Variants in ADCY10 observed in about 807,000 individuals in gnomAD.
ADCY10 encodes adenylate cyclase 10.
Under a neutral mutation model 183.3 loss-of-function variants are expected in ADCY10, and 156 were observed. That is an observed-to-expected ratio of 0.85 (90% CI 0.75 to 0.97). The LOEUF is 0.97. Ranked by LOEUF, ADCY10 falls within the 50% of genes least tolerant of loss-of-function variation. The probability of loss-of-function intolerance (pLI) is 0.00; values close to 1 mark genes in which losing one functional copy is unlikely to be tolerated. For synonymous variants in ADCY10, 645 were observed against 670.0 expected (o/e 0.96, Z 0.58); for missense variants, 1,745 against 1,934.3 (o/e 0.90, Z 1.84).
At chr1:167,816,520 T>C (rs1662538720) in intron 31 of ADCY10, among the ~76,000 whole-genome samples, 1 of 152,126 alleles carries the variant, frequency 6.6e-6, no homozygotes, top group African/African-American at 2.4e-5. Context: ...CACTCCAGCC[T>C]GGGTGACAGA....
intron 8 of ADCY10, among the ~76,000 whole-genome samples, chr1:167,884,948 G>A (rs1457458923): frequency 2.6e-5 from 4 of 151,996 alleles, no homozygotes; most frequent in Non-Finnish European, 4.4e-5. Context: ...TGCCTGCCTT[G>A]GCCTCCCAAA....
At chr1:167,852,099 A>G (rs2102000975) in intron 18 of ADCY10, among the ~76,000 whole-genome samples, 1 of 152,276 alleles carries the variant, frequency 6.6e-6, no homozygotes, top group African/African-American at 2.4e-5. Context: ...TAAGACACAA[A>G]AGACACTGAA....
chr1:167,855,244 C>T (rs1157963221), intron 17 of ADCY10, among the ~76,000 whole-genome samples: 2 of 152,108 alleles, frequency 1.3e-5, no homozygotes, highest in African/African-American at 2.4e-5. Context: ...CGCTTGAACC[C>T]GGGAGGTGGA....
chr1:167,910,607 T>C (rs1457734472), intron 1 of ADCY10, among the ~76,000 whole-genome samples: 1 of 152,152 alleles, frequency 6.6e-6, no homozygotes, highest in African/African-American at 2.4e-5. Context: ...TCATGGGAAG[T>C]ATGCAGTGGG....
At chr1:167,819,852 A>T (rs540031881) in intron 30 of ADCY10, 2 of 734,710 alleles carry the variant, frequency 2.7e-6, no homozygotes, top group Non-Finnish European at 4.9e-6. Flanking sequence ...GGTGTCAGCC[A>T]CCGCGCCCGG....
chr1:167,850,661 C>CTG (rs1665403309), intron 18 of ADCY10, among the ~76,000 whole-genome samples: 11 of 74,034 alleles, frequency 1.5e-4, no homozygotes, highest in African/African-American at 7.6e-4. Context: ...AAAAAGGGGG[C>CTG]CGTGTGTGTG....
At chr1:167,864,422 A>C (rs1181826883) in intron 14 of ADCY10, among the ~76,000 whole-genome samples, 3 of 152,228 alleles carry the variant, frequency 2.0e-5, no homozygotes, top group Non-Finnish European at 4.4e-5. Flanking sequence ...AAGCCTAGAC[A>C]GGTCCCTTGT....
intron 18 of ADCY10, among the ~76,000 whole-genome samples, chr1:167,849,260 G>C (rs964250097): frequency 6.6e-6 from 1 of 152,152 alleles, no homozygotes; most frequent in Non-Finnish European, 1.5e-5. Flanking sequence ...TTAGGACATA[G>C]CTACTATCAG....
At chr1:167,896,121 CA>C (rs1459506711) in intron 7 of ADCY10, among the ~76,000 whole-genome samples, 2 of 151,870 alleles carry the variant, frequency 1.3e-5, no homozygotes, top group East Asian at 3.9e-4. Flanking sequence ...CAGTAGACAG[CA>C]GGGGACTAGC....
intron 26 of ADCY10, among the ~76,000 whole-genome samples, chr1:167,827,293 G>T (rs1315348077): frequency 6.6e-6 from 1 of 150,448 alleles, no homozygotes; most frequent in East Asian, 2.0e-4. Context: ...TCAGCCTCCC[G>T]AGTAGCTGGG....
chr1:167,880,805 G>C (rs1231386639), intron 9 of ADCY10, among the ~76,000 whole-genome samples, 196 bp from the exon 10 acceptor site: 1 of 152,210 alleles, frequency 6.6e-6, no homozygotes, highest in African/African-American at 2.4e-5. Flanking sequence ...CTTGAGCCTT[G>C]AGAAGGGCTT....
chr1:167,906,380 T>TAGC (rs1557838121), intron 1 of ADCY10, among the ~76,000 whole-genome samples: 1 of 148,088 alleles, frequency 6.8e-6, no homozygotes, highest in Non-Finnish European at 1.5e-5. Context: ...AAAAAAAGGG[T>TAGC]AGCATTAAAA....
At chr1:167,844,811 CCT>C (rs1474562962) in intron 21 of ADCY10, among the ~76,000 whole-genome samples, 3 of 152,150 alleles carry the variant, frequency 2.0e-5, no homozygotes, top group Non-Finnish European at 4.4e-5. Flanking sequence ...CTACTTGTAG[CCT>C]CTGATTTCCC....
At chr1:167,865,619 G>A (rs938734047) in intron 14 of ADCY10, among the ~76,000 whole-genome samples, 16 of 151,960 alleles carry the variant, frequency 1.1e-4, no homozygotes, top group Non-Finnish European at 2.4e-4. Context: ...AGCTTTCTTT[G>A]GTCTAAAAAC....
chr1:167,860,865 A>T lies in ADCY10; in HGVS notation c.1809+6T>A. 6.2e-7 allele frequency: 1 copy of T among 1,612,478 alleles called. No individual in the cohort carries two copies. Among genetic ancestry groups the T allele is most frequent in the Non-Finnish European group, 8.5e-7 (1 of 1,178,496 alleles). ...TTTGTGCAGAAGTATAATACTAGCT[A>T]GTTACCTGAACATGGAAAATGTCAT... On this transcript the variant is annotated splice_donor_region_variant and intron_variant, in intron 15 of 32. Transcript: ENST00000367851.
intron 13 of ADCY10, among the ~76,000 whole-genome samples, chr1:167,873,148 A>G (rs1018979945): frequency 1.3e-5 from 2 of 152,156 alleles, no homozygotes; most frequent in African/African-American, 4.8e-5. Context: ...TGTAGAAAGA[A>G]GGTTAGGATT....
At chr1:167,908,751 A>G (rs1669968179) in intron 1 of ADCY10, among the ~76,000 whole-genome samples, 3 of 152,240 alleles carry the variant, frequency 2.0e-5, no homozygotes, top group African/African-American at 7.2e-5. Context: ...CTGATGACAG[A>G]GCTAGGATTT....
intron 21 of ADCY10, among the ~76,000 whole-genome samples, chr1:167,843,561 C>A (rs1664805242): frequency 6.6e-6 from 1 of 152,038 alleles, no homozygotes; most frequent in South Asian, 2.1e-4. Context: ...CCCCCTTATC[C>A]CTGTCTCATT....
intron 5 of ADCY10, among the ~76,000 whole-genome samples, chr1:167,901,211 G>T (rs529832409): frequency 6.6e-6 from 1 of 152,300 alleles, no homozygotes; most frequent in African/African-American, 2.4e-5. Flanking sequence ...GAGCTGTGTT[G>T]CAGGCTGACC....
Sources: allele counts gnomAD v4.1 joint callset (sites outside exome capture counted in the v4.1 genomes callset), GRCh38; gene constraint gnomAD v4.1.1; transcripts MANE v1.5; gene names NCBI Gene and HGNC (gene_info 2026-07-23, HGNC 2026-07-21).